Variants in CELF2 observed in about 807,000 individuals in gnomAD.
CELF2 encodes CUGBP Elav-like family member 2.
A neutral mutation model predicts 62.6 loss-of-function variants in CELF2; 8 were observed. That is an observed-to-expected ratio of 0.13 (90% CI 0.07 to 0.23). The LOEUF is 0.23. CELF2 is among the 10% of genes least tolerant of loss of function. CELF2 has a pLI of 1.00. For missense variants in CELF2, 333 were observed against 671.0 expected (o/e 0.50, Z 5.56); for synonymous variants, 258 against 250.0 (o/e 1.03, Z -0.30).
At chr10:10,814,297 G>C (rs2056237252) in intron 1 of CELF2, among the ~76,000 whole-genome samples, 1 of 144,820 alleles carries the variant, frequency 6.9e-6, no homozygotes, top group Non-Finnish European at 1.5e-5. Flanking sequence ...ATCATTTATT[G>C]CCCAAAAGAG....
intron 1 of CELF2, among the ~76,000 whole-genome samples, chr10:10,817,076 C>T (rs1002619850): frequency 1.2e-4 from 18 of 152,138 alleles, no homozygotes; most frequent in East Asian, 9.7e-4. Flanking sequence ...GGGCAGTGGA[C>T]GGTGGGAGAG....
intron 3 of CELF2, among the ~76,000 whole-genome samples, chr10:11,238,280 C>T (rs939209563): frequency 6.6e-6 from 1 of 152,172 alleles, no homozygotes; most frequent in African/African-American, 2.4e-5. Context: ...GCACACAATT[C>T]TCGTGGTCTT....
At chr10:11,218,716 T>C (rs1483653407) in intron 3 of CELF2, among the ~76,000 whole-genome samples, 1 of 152,270 alleles carries the variant, frequency 6.6e-6, no homozygotes, top group Non-Finnish European at 1.5e-5. Flanking sequence ...TCCTGCCCAG[T>C]TTCACTGCTT....
chr10:10,938,928 C>G lies in CELF2; in HGVS notation c.89+18929C>G, dbSNP rs1179405724. On this transcript the variant is annotated intron_variant, in intron 2 of 13. Transcript: ENST00000636488. The surrounding 1 kb of genome is among the most constrained non-coding windows in gnomAD (Gnocchi z 4.2). ...TGCTCTTGTGTGCATCTGTCTTTCT[C>G]CATGCCTAGGCCAAGCGCTCCTGCA... is the stretch of plus-strand genomic sequence containing the variant. Among the ~76,000 whole-genome samples the G allele has an allele frequency of 6.6e-6, 1 of 152,198 alleles. No homozygotes were observed. Among genetic ancestry groups the G allele is most frequent in the Non-Finnish European group, 1.5e-5 (1 of 68,046 alleles).
At chr10:10,647,435 A>G in the CELF2 span, among the ~76,000 whole-genome samples, 664 of 152,350 alleles carry the variant, frequency 4.4e-3, 2 homozygotes, top group Non-Finnish European at 7.4e-3. Flanking sequence ...CAATTTGCAA[A>G]TGCAAACATC....
Position 11,285,857 on chromosome 10 carries a change from GTGTGTGTGTGTGTGTGTGTGTT to G in CELF2, c.842-2559_842-2538del, listed in dbSNP as rs1317099731. ...TGTGTGTGTGTGTGTGTGTGTGTGT[GTGTGTGTGTGTGTGTGTGTGTT>G]TTTACATGGACTTGAAAATGAGTAA... On this transcript the variant is annotated intron_variant, in intron 8 of 12. Transcript: ENST00000633077. This position sits in a 1 kb window ranked among gnomAD's most constrained non-coding sequence, Gnocchi z 4.3. Among the ~76,000 whole-genome samples the G allele has an allele frequency of 8.1e-3, 1,148 of 142,568 alleles. 10 individuals carry two copies. The highest frequency in any genetic ancestry group is 0.031 in the African/African-American group (1,082 of 35,090). The allele number at this position is 142,568 out of a possible 152,430, so 93.5% of individuals were successfully genotyped here.
intron 1 of CELF2, among the ~76,000 whole-genome samples, chr10:10,904,605 ACAGTTTACATAGCC>A (rs1447010039): frequency 6.6e-6 from 1 of 152,090 alleles, no homozygotes; most frequent in Non-Finnish European, 1.5e-5. Flanking sequence ...CATCCATAGC[ACAGTTTACATAGCC>A]ATGGCCTTAT....
At chr10:10,970,049 T>C (rs2050596094) in intron 2 of CELF2, among the ~76,000 whole-genome samples, 1 of 152,082 alleles carries the variant, frequency 6.6e-6, no homozygotes, top group Admixed American at 6.5e-5. Context: ...GTAATTTCCA[T>C]TTGTGTGATG....
At chr10:10,883,061 A>G (rs2061533870) in intron 1 of CELF2, among the ~76,000 whole-genome samples, 1 of 152,210 alleles carries the variant, frequency 6.6e-6, no homozygotes, top group Non-Finnish European at 1.5e-5. Flanking sequence ...GAGCAAGACT[A>G]ATAGTTTACT....
chr10:11,241,585 T>C (rs2073918398), intron 3 of CELF2, among the ~76,000 whole-genome samples: 1 of 152,252 alleles, frequency 6.6e-6, no homozygotes, highest in Admixed American at 6.5e-5. Flanking sequence ...CTTAGCAAGT[T>C]TACCGTAGTG....
rs1595205928 is a variant in CELF2 at position 11,098,872 on chromosome 10, C to A, written c.75-66614C>A. Among the ~76,000 whole-genome samples, 3 of 152,304 alleles carry A rather than the reference C, an allele frequency of 2.0e-5. No homozygotes were observed. The highest frequency in any genetic ancestry group is 6.5e-5 in the Admixed American group (1 of 15,304). On this transcript the variant is annotated intron_variant, in intron 1 of 12. Transcript: ENST00000633077. This position sits in a 1 kb window ranked among gnomAD's most constrained non-coding sequence, Gnocchi z 4.0. ...AGCAGGCCACGCGTGAGAGCAGCTT[C>A]CCCGAACCTCTCTCATCCCCTCAGT...
At chr10:11,137,084 A>T (rs1286874862) in intron 1 of CELF2, among the ~76,000 whole-genome samples, 1 of 152,252 alleles carries the variant, frequency 6.6e-6, no homozygotes, top group Non-Finnish European at 1.5e-5. Flanking sequence ...ATATGTATAT[A>T]CCTATGTATG....
intron 1 of CELF2, among the ~76,000 whole-genome samples, chr10:11,160,809 G>C (rs376727095): frequency 6.6e-6 from 1 of 151,982 alleles, no homozygotes; most frequent in Non-Finnish European, 1.5e-5. Flanking sequence ...TTTAGCATTC[G>C]TATAATAATT....
At chr10:10,617,015 C>A in the CELF2 span, among the ~76,000 whole-genome samples, 2 of 152,066 alleles carry the variant, frequency 1.3e-5, no homozygotes, top group African/African-American at 4.8e-5. Context: ...CCTCAGCCTC[C>A]CAAAGTGCTG....
chr10:11,142,358 G>A (rs1391613091), intron 1 of CELF2, among the ~76,000 whole-genome samples: 2 of 152,110 alleles, frequency 1.3e-5, no homozygotes, highest in African/African-American at 4.8e-5. Flanking sequence ...GGATCCAGTG[G>A]TGAAGAACTT....
At chr10:11,180,711 T>C (rs1466943261) in intron 2 of CELF2, among the ~76,000 whole-genome samples, 1 of 152,206 alleles carries the variant, frequency 6.6e-6, no homozygotes, top group Non-Finnish European at 1.5e-5. Context: ...GGTCCTGTAC[T>C]AAGGGCTGAC....
chr10:10,476,798 CT>C, the CELF2 span, among the ~76,000 whole-genome samples: 109 of 151,610 alleles, frequency 7.2e-4, no homozygotes, highest in Non-Finnish European at 1.4e-3. Context: ...TTCTATATTC[CT>C]TGTGTTCTTT....
rs1231239730 is a variant in CELF2, at chr10:10,990,988, T to TGTGTGTGTGC, written c.89+70990_89+70991insTGTGTGTGCG. Among the ~76,000 whole-genome samples, 4 of 152,118 alleles carry TGTGTGTGTGC rather than the reference T, an allele frequency of 2.6e-5. No homozygotes were observed. Among genetic ancestry groups the TGTGTGTGTGC allele is most frequent in the African/African-American group, 9.7e-5 (4 of 41,408 alleles). On this transcript the variant is annotated intron_variant, in intron 2 of 13. Coordinates refer to the CELF2 transcript ENST00000636488. This position sits in a 1 kb window ranked among gnomAD's most constrained non-coding sequence, Gnocchi z 4.6. Reference sequence around the variant, plus strand: ...TTTTGCGTGTGTGTGTGTGTGTGTGTGCCCACACGTGTGTGTTGTTTTGTT... The same window carrying TGTGTGTGTGC: ...TTTTGCGTGTGTGTGTGTGTGTGTGTGTGTGTGTGCGCCCACACGTGTGTGTTGTTTTGTT...
At chr10:10,560,626 T>C in the CELF2 span, among the ~76,000 whole-genome samples, 2 of 151,996 alleles carry the variant, frequency 1.3e-5, no homozygotes, top group Admixed American at 1.3e-4. Flanking sequence ...CTTAAAGAAA[T>C]AAAAGTAGAA....
Sources: gnomAD v4.1 joint callset for allele counts (sites outside exome capture counted in the v4.1 genomes callset) on GRCh38, gnomAD v4.1.1 for gene constraint, Gnocchi (gnomAD v3.1) non-coding constraint, MANE v1.5 for transcripts, NCBI Gene and HGNC (gene_info 2026-07-23, HGNC 2026-07-21) for gene names.